Variants in KCNIP4 observed in about 807,000 individuals in gnomAD.
KCNIP4 encodes the protein potassium voltage-gated channel interacting protein 4.
A neutral mutation model predicts 34.0 loss-of-function variants in KCNIP4; 12 were observed. That is an observed-to-expected ratio of 0.35 (90% CI 0.23 to 0.57). The LOEUF is 0.57. Ranked by LOEUF, KCNIP4 falls within the 20% of genes least tolerant of loss-of-function variation. The pLI is 0.83. For synonymous variants in KCNIP4, 124 were observed against 102.2 expected, an observed-to-expected ratio of 1.21 and a Z score of -1.29; for missense variants, 238 against 311.7, an observed-to-expected ratio of 0.76 and a Z score of 1.78.
At chr4:21,244,289 A>C (rs1760049531) in intron 1 of KCNIP4, among the ~76,000 whole-genome samples, 2 of 152,210 alleles carry the variant, frequency 1.3e-5, no homozygotes, top group South Asian at 4.1e-4. Flanking sequence ...CAATGCTGGC[A>C]AAGAAATGGT....
At chr4:21,168,473 T>C (rs1276138340) in intron 1 of KCNIP4, among the ~76,000 whole-genome samples, 1 of 152,206 alleles carries the variant, frequency 6.6e-6, no homozygotes, top group Admixed American at 6.5e-5. Context: ...GGTATGCAGA[T>C]TCTTTCTTTA....
At chr4:21,570,905 A>G (rs1740318858) in intron 1 of KCNIP4, among the ~76,000 whole-genome samples, 4 of 152,168 alleles carry the variant, frequency 2.6e-5, no homozygotes, top group African/African-American at 9.7e-5. Context: ...ACTGAAGATC[A>G]AATAGAGTAC....
intron 1 of KCNIP4, among the ~76,000 whole-genome samples, chr4:21,089,265 C>T (rs1181850453): frequency 1.3e-5 from 2 of 152,126 alleles, no homozygotes; most frequent in African/African-American, 2.4e-5. Context: ...AGATCTGGTT[C>T]TTTAAAAGTG....
intron 1 of KCNIP4, among the ~76,000 whole-genome samples, chr4:21,280,369 T>G (rs1279190509): frequency 2.6e-5 from 4 of 152,146 alleles, no homozygotes; most frequent in Non-Finnish European, 5.9e-5. Context: ...AGTATTGTAT[T>G]TATTAAACAA....
At chr4:21,206,064 C>G (rs1203325455) in intron 1 of KCNIP4, among the ~76,000 whole-genome samples, 1 of 152,158 alleles carries the variant, frequency 6.6e-6, no homozygotes, top group Non-Finnish European at 1.5e-5. Context: ...CATCCTGTGG[C>G]TTTAATTAAA....
chr4:21,356,642 A>C (rs747373963), intron 1 of KCNIP4, among the ~76,000 whole-genome samples: 7 of 152,184 alleles, frequency 4.6e-5, no homozygotes, highest in Non-Finnish European at 8.8e-5. Context: ...AAGAACTACA[A>C]ATCACTGCTC....
intron 1 of KCNIP4, among the ~76,000 whole-genome samples, chr4:21,496,461 T>A (rs373554006): frequency 3.9e-5 from 6 of 152,252 alleles, no homozygotes; most frequent in African/African-American, 1.4e-4. Flanking sequence ...AATGACAGGG[T>A]AGATATCTGG....
chr4:20,744,338 A>G lies in KCNIP4; in HGVS notation c.429+5324T>C, dbSNP rs1751918177. Among the ~76,000 whole-genome samples the G allele has an allele frequency of 2.6e-5, 4 of 152,244 alleles. No homozygotes were observed. In the South Asian group the frequency reaches 8.3e-4, roughly 32 times the overall value. On this transcript the variant is annotated intron_variant, in intron 5 of 8. Transcript: ENST00000382152. ...TGTTTATTGCGGCACTATTCACAGT[A>G]GCAAAGACTTGGTACCAACCCAAAT... is the stretch of plus-strand genomic sequence containing the variant.
chr4:21,586,614 A>C (rs1741637682), intron 1 of KCNIP4, among the ~76,000 whole-genome samples: 1 of 152,098 alleles, frequency 6.6e-6, no homozygotes, highest in Non-Finnish European at 1.5e-5. Context: ...CTTTGATACT[A>C]ATCAATTTAT....
intron 8 of KCNIP4, 89 bp from the exon 9 acceptor site, chr4:20,730,218 C>A: frequency 7.2e-7 from 1 of 1,396,842 alleles, no homozygotes; most frequent in Non-Finnish European, 9.6e-7. Flanking sequence ...CTCCTCCCAT[C>A]AACCACCTCA....
chr4:21,126,527 C>G (rs1750623202), intron 1 of KCNIP4, among the ~76,000 whole-genome samples: 1 of 149,578 alleles, frequency 6.7e-6, no homozygotes, highest in African/African-American at 2.5e-5. Context: ...GTATCTGACT[C>G]TAACTCCCAC....
rs558608630 is a variant in KCNIP4, at chr4:21,648,940, T to C, written c.61+299631A>G. 2.0e-5 allele frequency among the ~76,000 whole-genome samples: 3 copies of C among 152,322 alleles called. No individual in the cohort carries two copies. The South Asian group carries it at 6.2e-4, about 32-fold the overall frequency. On this transcript the variant is annotated intron_variant, in intron 1 of 8. Coordinates refer to ENST00000382152, the MANE Select transcript of KCNIP4 (RefSeq NM_025221.6). Reference sequence around the variant, plus strand: ...CTGTCCCTCCTGTTTGAACATTTTATGGAATGTCAGTTTGGTTATAATTAA... The same window carrying C: ...CTGTCCCTCCTGTTTGAACATTTTACGGAATGTCAGTTTGGTTATAATTAA...
chr4:20,845,150 CT>C (rs1230750230), intron 3 of KCNIP4, among the ~76,000 whole-genome samples: 1 of 152,112 alleles, frequency 6.6e-6, no homozygotes, highest in East Asian at 1.9e-4. Flanking sequence ...GTAAGGTCCC[CT>C]GAGCAGGCTG....
intron 1 of KCNIP4, among the ~76,000 whole-genome samples, chr4:21,440,631 A>G (rs368012384): frequency 6.6e-6 from 1 of 152,036 alleles, no homozygotes; most frequent in Non-Finnish European, 1.5e-5. Flanking sequence ...TTCAGTCAAC[A>G]TAATTACTCT....
At chr4:21,761,860 T>C (rs1718081117) in intron 1 of KCNIP4, among the ~76,000 whole-genome samples, 1 of 152,092 alleles carries the variant, frequency 6.6e-6, no homozygotes, top group Non-Finnish European at 1.5e-5. Flanking sequence ...GAACAGGAAG[T>C]CCTAGTTATA....
chr4:21,618,196 A>T (rs1744732995), intron 1 of KCNIP4, among the ~76,000 whole-genome samples: 1 of 152,190 alleles, frequency 6.6e-6, no homozygotes, highest in Non-Finnish European at 1.5e-5. Context: ...TGATGCTCCT[A>T]GTCTGGGTAG....
chr4:20,887,474 A>AT (rs2149531377), intron 1 of KCNIP4, among the ~76,000 whole-genome samples: 1 of 152,048 alleles, frequency 6.6e-6, no homozygotes, highest in African/African-American at 2.4e-5. Flanking sequence ...AAAATCAAAA[A>AT]TGAAAAAAGG....
chr4:21,570,741 A>G lies in KCNIP4; in HGVS notation c.61+377830T>C, dbSNP rs138744829. Among the ~76,000 whole-genome samples the G allele has an allele frequency of 8.5e-5, 13 of 152,198 alleles. No homozygotes were observed. In the East Asian group the frequency reaches 2.5e-3, roughly 29 times the overall value. ...TAATAGTCAAAGTTATTATTTTATC[A>G]TTTTCATCATTATCATTGTCATCAT... On this transcript the variant is annotated intron_variant, in intron 1 of 8. Transcript: ENST00000382152.
intron 1 of KCNIP4, among the ~76,000 whole-genome samples, chr4:21,529,383 C>T (rs1200413182): frequency 6.6e-6 from 1 of 152,070 alleles, no homozygotes; most frequent in Non-Finnish European, 1.5e-5. Context: ...TGTACAAGTT[C>T]CAGACAGTGG....
Sources: allele counts gnomAD v4.1 joint callset (sites outside exome capture counted in the v4.1 genomes callset), GRCh38; gene constraint gnomAD v4.1.1; transcripts MANE v1.5; gene names NCBI Gene and HGNC (gene_info 2026-07-23, HGNC 2026-07-21).